WNK2: variants seen among roughly 807,000 people sequenced by gnomAD.
The protein encoded by WNK2 is WNK lysine deficient protein kinase 2.
WNK2 carries 67 observed loss-of-function variants against 192.1 expected under a neutral mutation model. That is an observed-to-expected ratio of 0.35 (90% CI 0.29 to 0.43). WNK2 has a LOEUF of 0.43. Ranked by LOEUF, WNK2 falls within the 20% of genes least tolerant of loss-of-function variation. The probability of loss-of-function intolerance (pLI) is 1.00; values close to 1 mark genes in which losing one functional copy is unlikely to be tolerated. For missense variants in WNK2, 2,698 were observed against 3,089.7 expected, an observed-to-expected ratio of 0.87 and a Z score of 3.01; for synonymous variants, 1,439 against 1,393.9, an observed-to-expected ratio of 1.03 and a Z score of -0.72.
Position 93,298,012 on chromosome 9 carries a change from A to T in WNK2, c.5868A>T (p.Ala1956=). The change falls in exon 24 of 30, where the codon GCA becomes GCT. Residue 1956 remains alanine (A), a synonymous_variant. Transcript: ENST00000427277. ...AAACCAGCAAGAGCAAGCTGAAGGC[A>T]GGCAAGCTGCTAAATCCCCTGGTGC... ...RRKTSKSKLK[A]GKLLNPLVRQ... The T allele has an allele frequency of 6.4e-7, 1 of 1,556,834 alleles. No individual in the cohort carries two copies. Among genetic ancestry groups the T allele is most frequent in the Non-Finnish European group, 8.7e-7 (1 of 1,151,088 alleles).
At chr9:93,307,718 C>G (rs565345266) in intron 27 of WNK2, 1 of 152,346 alleles carries the variant, frequency 6.6e-6, no homozygotes, top group African/African-American at 2.4e-5. Context: ...AATGCGAATG[C>G]GCTGGTCAGG....
intron 26 of WNK2, among the ~76,000 whole-genome samples, chr9:93,306,297 A>G (rs1044959153): frequency 4.6e-5 from 7 of 152,074 alleles, no homozygotes; most frequent in African/African-American, 7.2e-5. Flanking sequence ...CTGCAAAACA[A>G]TGTATCTTTT....
intron 19 of WNK2, among the ~76,000 whole-genome samples, chr9:93,271,795 C>A (rs553132262): frequency 6.6e-6 from 1 of 152,198 alleles, no homozygotes. Flanking sequence ...TGGTGAAAGA[C>A]GTAAGTCTAC....
intron 2 of WNK2, among the ~76,000 whole-genome samples, chr9:93,188,178 C>T (rs559934615): frequency 6.6e-6 from 1 of 152,306 alleles, no homozygotes; most frequent in East Asian, 1.9e-4. Flanking sequence ...TCCCCTACTC[C>T]CGCAGCACCT....
At chr9:93,210,706 G>A (rs774176005) in intron 2 of WNK2, among the ~76,000 whole-genome samples, 6 of 152,210 alleles carry the variant, frequency 3.9e-5, no homozygotes, top group African/African-American at 7.2e-5. Context: ...TAGAGGGAAA[G>A]ATGGGCAGGC....
intron 19 of WNK2, among the ~76,000 whole-genome samples, chr9:93,281,093 A>G (rs1847658984): frequency 6.6e-6 from 1 of 152,240 alleles, no homozygotes; most frequent in Non-Finnish European, 1.5e-5. Context: ...AGAGGGAAGA[A>G]CAGACACAAG....
intron 2 of WNK2, among the ~76,000 whole-genome samples, chr9:93,220,178 G>A (rs1397236342): frequency 6.6e-6 from 1 of 152,250 alleles, no homozygotes; most frequent in African/African-American, 2.4e-5. Flanking sequence ...GGTGTACACA[G>A]GGTGCATATT....
At position 93,263,614 on chromosome 9, in the gene WNK2, T is replaced by C. The variant is rs776210644; in HGVS notation, c.3459T>C (p.Cys1153=). 1.1e-5 allele frequency: 17 copies of C among 1,609,840 alleles called. No homozygotes were observed. The South Asian group carries it at 1.9e-4, about 18-fold the overall frequency. Residue 1153 remains cysteine (C), a synonymous_variant, in exon 15 of 30, where the codon TGT becomes TGC. Transcript: ENST00000427277. Reference sequence around the variant, plus strand: ...CTGGAAAAGAGCTGAGTGACAGCTGTGAAGGCGCCTTTGGAGGGGGCAGGC... The same window carrying C: ...CTGGAAAAGAGCTGAGTGACAGCTGCGAAGGCGCCTTTGGAGGGGGCAGGC... ...VTSGKELSDS[C]EGAFGGGRLE... is the part of the protein sequence containing the mutation.
Position 93,220,615 on chromosome 9 carries a change from G to A in WNK2, c.682-9081G>A, listed in dbSNP as rs550949725. Among the ~76,000 whole-genome samples, 7 of 152,332 alleles carry A rather than the reference G, an allele frequency of 4.6e-5. No individual in the cohort carries two copies. The East Asian group carries it at 1.3e-3, about 29-fold the overall frequency. On this transcript the variant is annotated intron_variant, in intron 2 of 29. Transcript: ENST00000427277. ...AGGGTTGGGTCTCCCTGAGGCCCTA[G>A]CTGGGGAGACCTCCATGGGGTGGCC...
At chr9:93,278,631 A>G (rs1847285072) in intron 19 of WNK2, among the ~76,000 whole-genome samples, 1 of 152,228 alleles carries the variant, frequency 6.6e-6, no homozygotes, top group Admixed American at 6.5e-5. Context: ...CACTTCAAGA[A>G]TGTTTATAGG....
At chr9:93,221,329 G>A (rs775995756) in intron 2 of WNK2, among the ~76,000 whole-genome samples, 2 of 152,214 alleles carry the variant, frequency 1.3e-5, no homozygotes, top group Non-Finnish European at 2.9e-5. Context: ...TCCCTGGCAT[G>A]GCTGCCAGCT....
At chr9:93,188,631 G>A (rs139853701) in intron 2 of WNK2, among the ~76,000 whole-genome samples, 110 of 152,284 alleles carry the variant, frequency 7.2e-4, no homozygotes, top group African/African-American at 2.5e-3. Flanking sequence ...TTGCCCACAT[G>A]TCCTGTGTTC....
At position 93,292,517 on chromosome 9, in the gene WNK2, A is replaced by T; in HGVS notation, c.5052A>T (p.Ala1684=). 6.3e-7 allele frequency: 1 copy of T among 1,587,494 alleles called. No individual in the cohort carries two copies. The highest frequency in any genetic ancestry group is 8.6e-7 in the Non-Finnish European group (1 of 1,164,852). The part of the protein sequence containing the change: ...PQDVPAFVRP[A]RVEPTDRDGG... ...ATGTACCTGCTTTTGTGAGACCTGC[A>T]CGTGTGGAGCCCACAGACAGGGATG... Residue 1684 remains alanine (A), a synonymous_variant, in exon 23 of 30, where the codon GCA becomes GCT. Coordinates refer to ENST00000427277, the MANE Select transcript of WNK2 (RefSeq NM_006648.4).
rs4744202 is a variant in WNK2 at position 93,253,095 on chromosome 9, A to C, written c.2034+13A>C. 1 of 1,411,818 alleles carries C rather than the reference A, an allele frequency of 7.1e-7. No homozygotes were observed. The highest frequency in any genetic ancestry group is 9.2e-7 in the Non-Finnish European group (1 of 1,084,042). 87.5% of individuals were successfully genotyped at this position (1,411,818 alleles called of 1,614,324 possible). A position where few individuals can be genotyped will look rare whatever the true frequency, so the allele number is the denominator to read the frequency against. On this transcript the variant is annotated intron_variant, in intron 9 of 29. Transcript: ENST00000427277. The stretch of plus-strand genomic sequence containing the variant: ...GCCCACGGCTGCAGTGAGTCAGAGC[A>C]TCACTCCCACCCCCTTCCCCATCCC...
At chr9:93,267,710 G>A in intron 16 of WNK2, 36 bp from the exon 17 acceptor site, 1 of 1,525,874 alleles carries the variant, frequency 6.6e-7, no homozygotes, top group Non-Finnish European at 8.8e-7. Context: ...TCTTGGCCTT[G>A]CAGCTGGTCC....
At position 93,257,045 on chromosome 9, in the gene WNK2, T is replaced by C; in HGVS notation, c.2288T>C (p.Leu763Pro). ...QPVPPHLPPYLAPASQVGAPA... is the reference protein window; with the variant it reads ...QPVPPHLPPYPAPASQVGAPA... ...GTTCCCCCCCACCTGCCACCGTACC[T>C]GGCTCCAGCCTCCCAGGTGGGGGCC... Residue 763 changes from leucine to proline, a missense_variant, in exon 11 of 30, where the codon CTG becomes CCG. Physicochemically the swap from Leu to Pro is moderately conservative, Grantham distance 98. Coordinates refer to ENST00000427277, the MANE Select transcript of WNK2 (RefSeq NM_006648.4). This position sits in a 1 kb window ranked among gnomAD's most constrained non-coding sequence, Gnocchi z 4.7. The C allele has an allele frequency of 6.2e-7, 1 of 1,605,324 alleles. No homozygotes were observed. Among genetic ancestry groups the C allele is most frequent in the Non-Finnish European group, 8.5e-7 (1 of 1,178,104 alleles).
intron 7 of WNK2, among the ~76,000 whole-genome samples, chr9:93,244,616 G>A (rs894870500): frequency 3.9e-5 from 6 of 152,170 alleles, no homozygotes; most frequent in African/African-American, 1.4e-4. Flanking sequence ...TCACGTATCT[G>A]GGCCGAGGTG....
intron 21 of WNK2, among the ~76,000 whole-genome samples, chr9:93,291,681 C>A (rs1264157460): frequency 6.6e-6 from 1 of 152,232 alleles, no homozygotes; most frequent in Non-Finnish European, 1.5e-5. Flanking sequence ...TCCGCTGCTG[C>A]CACCTTCCCC....
intron 28 of WNK2, among the ~76,000 whole-genome samples, chr9:93,312,137 A>G (rs1012111457): frequency 2.6e-5 from 4 of 151,954 alleles, no homozygotes; most frequent in Non-Finnish European, 4.4e-5. Context: ...GAGTTTTAGG[A>G]ATTTTCTGCA....
Sources: allele counts gnomAD v4.1 joint callset (sites outside exome capture counted in the v4.1 genomes callset), GRCh38; gene constraint gnomAD v4.1.1; non-coding constraint Gnocchi (gnomAD v3.1); transcripts MANE v1.5; gene names NCBI Gene and HGNC (gene_info 2026-07-23, HGNC 2026-07-21).